Variants in RSBN1 observed in about 807,000 individuals in gnomAD.
RSBN1 encodes the protein lysine-specific demethylase 9.
In RSBN1, 23 loss-of-function variants were observed where a neutral mutation model predicts 74.8. The observed-to-expected ratio is 0.31, with a 90% CI of 0.22 to 0.44. RSBN1 has a LOEUF of 0.44. RSBN1 is among the 20% of genes least tolerant of loss of function. The pLI is 1.00. For missense variants in RSBN1, 808 were observed against 1,020.9 expected (o/e 0.79, Z 2.84); for synonymous variants, 407 against 379.6 (o/e 1.07, Z -0.84).
intron 1 of RSBN1, among the ~76,000 whole-genome samples, chr1:113,799,936 G>A (rs1660548645): frequency 6.6e-6 from 1 of 151,870 alleles, no homozygotes; most frequent in Admixed American, 6.6e-5. Flanking sequence ...CCAAACAATC[G>A]TTTTTTCTAA....
At chr1:113,778,809 G>C (rs1224131302) in intron 2 of RSBN1, among the ~76,000 whole-genome samples, 1 of 152,014 alleles carries the variant, frequency 6.6e-6, no homozygotes, top group South Asian at 2.1e-4. Context: ...TGTTACCTAT[G>C]AGCAACATAT....
At chr1:113,791,947 G>A (rs1396908872) in intron 2 of RSBN1, among the ~76,000 whole-genome samples, 2 of 152,034 alleles carry the variant, frequency 1.3e-5, no homozygotes, top group African/African-American at 4.8e-5. Context: ...CATATAACAA[G>A]CCCATATAAG....
intron 1 of RSBN1, among the ~76,000 whole-genome samples, chr1:113,806,454 T>C (rs1352437312): frequency 6.6e-6 from 1 of 152,010 alleles, no homozygotes; most frequent in Non-Finnish European, 1.5e-5. Context: ...TGGATATCCT[T>C]AGGCAAGAAG....
chr1:113,783,952 G>A (rs1401714530), intron 2 of RSBN1, among the ~76,000 whole-genome samples: 3 of 152,102 alleles, frequency 2.0e-5, no homozygotes, highest in Admixed American at 6.5e-5. Flanking sequence ...TTTGTAATGA[G>A]GGAGGCAATA....
chr1:113,763,736 G>C lies in RSBN1; in HGVS notation c.*2244C>G, dbSNP rs1659730124. On this transcript the variant is annotated 3_prime_UTR_variant, in exon 7 of 7. Coordinates refer to ENST00000261441, the MANE Select transcript of RSBN1 (RefSeq NM_018364.5). ...TGTGTTTATATTGGAGGTGAGGGTA[G>C]AATGTTTTATAAAAGGAAAATGGGG... is the stretch of plus-strand genomic sequence containing the variant. 7.0e-6 allele frequency: 1 copy of C among 143,554 alleles called. No individual in the cohort carries two copies. The allele number at this position is 143,554 out of a possible 1,614,324, so 8.9% of individuals were successfully genotyped here.
rs1325639674 is a variant in RSBN1, at chr1:113,797,700, C to T, written c.1040G>A (p.Arg347Lys). The T allele has an allele frequency of 1.2e-6, 2 of 1,614,086 alleles. No individual in the cohort carries two copies. The highest frequency in any genetic ancestry group is 3.3e-5 in the Admixed American group (2 of 59,984). Residue 347 changes from arginine (R) to lysine (K), a missense_variant, in exon 2 of 7, where the codon AGA (arginine) becomes AAA (lysine). Around this residue, in one of 6 missense-constraint regions of RSBN1, gnomAD observed 85 missense variants for 126.2 expected, o/e 0.67. Coordinates refer to ENST00000261441, the MANE Select transcript of RSBN1 (RefSeq NM_018364.5). ...FMTHQEHSIR[R>K]NFLKTGTKFS... is the part of the protein sequence containing the mutation. ...TTTAGTACCTGTTTTTAAGAAATTT[C>T]TACGAATAGAATGTTCCTGGTGAGT...
intron 2 of RSBN1, among the ~76,000 whole-genome samples, chr1:113,790,948 G>C (rs1301191018): frequency 6.6e-6 from 1 of 152,154 alleles, no homozygotes; most frequent in African/African-American, 2.4e-5. Flanking sequence ...ATTATTCTTA[G>C]GATCTGGCAA....
intron 1 of RSBN1, among the ~76,000 whole-genome samples, chr1:113,802,308 A>C (rs1256579862): frequency 2.0e-5 from 3 of 151,836 alleles, no homozygotes; most frequent in Non-Finnish European, 4.4e-5. Context: ...ATGGCTTAGA[A>C]GTCGGAAAAA....
At position 113,812,078 on chromosome 1, in the gene RSBN1, G is replaced by T. The variant is rs746676514; in HGVS notation, c.335C>A (p.Pro112His). The change falls in exon 1 of 7, where the codon CCT (proline) becomes CAT (histidine). Residue 112 changes from proline (P) to histidine (H), a missense_variant. This residue lies in a region of RSBN1 where 464 missense variants were observed against 401.0 expected (regional missense o/e 1.16). Transcript: ENST00000261441. ...TTGGCGGCTGCGACGCCGCCGGTGA[G>T]GGGGAGCGAGAGGGGGCTCCTGGCT... is the stretch of plus-strand genomic sequence containing the variant. ...RPSQEPPLAP[P>H]HRRRRSRQHP... 5 of 1,579,698 alleles carry T rather than the reference G, an allele frequency of 3.2e-6. No homozygotes were observed. The highest frequency in any genetic ancestry group is 1.1e-5 in the South Asian group (1 of 87,596).
chr1:113,766,588 G>A (rs1427462195), intron 6 of RSBN1, 135 bp from the exon 7 acceptor site: 3 of 614,330 alleles, frequency 4.9e-6, no homozygotes, highest in Non-Finnish European at 8.4e-6. Flanking sequence ...AACACTAAAT[G>A]ATAGGTAACT....
chr1:113,788,866 T>C (rs567613909), intron 2 of RSBN1, among the ~76,000 whole-genome samples: 1 of 152,210 alleles, frequency 6.6e-6, no homozygotes, highest in East Asian at 1.9e-4. Context: ...GAAGACCCTC[T>C]ACCTTGCCCC....
chr1:113,780,950 C>T (rs566485786), intron 2 of RSBN1, among the ~76,000 whole-genome samples: 1 of 152,304 alleles, frequency 6.6e-6, no homozygotes, highest in East Asian at 1.9e-4. Flanking sequence ...CTGTGACCTA[C>T]GTTTTTTTCT....
chr1:113,799,565 T>TAC (rs66958734), intron 1 of RSBN1, among the ~76,000 whole-genome samples: 10,797 of 141,844 alleles, frequency 0.076, 496 homozygotes, highest in East Asian at 0.13. Flanking sequence ...ATAGATGCTT[T>TAC]ACACACACAC....
Position 113,768,319 on chromosome 1 carries a change from CT to C in RSBN1, c.1728del (p.Asp577IlefsTer25). 6.2e-7 allele frequency: 1 copy of C among 1,613,478 alleles called. No individual in the cohort carries two copies. The highest frequency in any genetic ancestry group is 8.5e-7 in the Non-Finnish European group (1 of 1,179,598). On this transcript the variant is annotated frameshift_variant, in exon 5 of 7. Coordinates refer to ENST00000261441, the MANE Select transcript of RSBN1 (RefSeq NM_018364.5). LOFTEE classifies it high-confidence loss of function. ...RTSEPREVLF[E>X]DRTRAHADHV... is the part of the protein sequence containing the mutation. ...TGATCAGCATGAGCTCTAGTCCTATCTTCAAAGAGAACTTCGCGGGGTTCAC... is the reference window on the plus strand; with the variant it reads ...TGATCAGCATGAGCTCTAGTCCTATCTCAAAGAGAACTTCGCGGGGTTCAC...
At chr1:113,806,861 A>C (rs78666907) in intron 1 of RSBN1, among the ~76,000 whole-genome samples, 3 of 140,352 alleles carry the variant, frequency 2.1e-5, no homozygotes, top group Admixed American at 7.1e-5. Context: ...AAAAAAAAAA[A>C]CATTAGCCAG....
chr1:113,808,900 T>C (rs959487964), intron 1 of RSBN1, among the ~76,000 whole-genome samples: 1 of 152,162 alleles, frequency 6.6e-6, no homozygotes, highest in Admixed American at 6.5e-5. Flanking sequence ...TATGATAAAA[T>C]AGCATATAAC....
intron 4 of RSBN1, among the ~76,000 whole-genome samples, chr1:113,771,506 A>G (rs575046276): frequency 6.6e-6 from 1 of 152,038 alleles, no homozygotes; most frequent in South Asian, 2.1e-4. Flanking sequence ...ATCCACATAA[A>G]AAAACTGATA....
intron 2 of RSBN1, among the ~76,000 whole-genome samples, chr1:113,791,257 A>C (rs1464975372): frequency 1.3e-5 from 2 of 152,230 alleles, no homozygotes; most frequent in Admixed American, 6.5e-5. Context: ...GTTTTGCATA[A>C]AATTTATTCT....
At chr1:113,796,229 T>C (rs1408626250) in intron 2 of RSBN1, 3 of 152,212 alleles carry the variant, frequency 2.0e-5, no homozygotes, top group Admixed American at 1.3e-4. Context: ...AAGCCCTTTA[T>C]TGCACATGGT....
Sources: allele counts gnomAD v4.1 joint callset (sites outside exome capture counted in the v4.1 genomes callset), GRCh38; gene constraint gnomAD v4.1.1; regional missense constraint gnomAD v4.1.1; transcripts MANE v1.5; gene names NCBI Gene and HGNC (gene_info 2026-07-23, HGNC 2026-07-21).